Variants in SPATA6 observed in about 807,000 individuals in gnomAD.
The protein encoded by SPATA6 is spermatogenesis associated 6, also known as spermatogenesis-associated protein 6.
SPATA6 carries 56 observed loss-of-function variants against 65.3 expected under a neutral mutation model. The ratio of observed to expected loss-of-function variants is 0.86; its 90% confidence interval spans 0.69 to 1.07. SPATA6 has a LOEUF of 1.07. Ranked by LOEUF, SPATA6 falls within the 50% of genes least tolerant of loss-of-function variation. The pLI is 0.00. For missense variants in SPATA6, 590 were observed against 594.8 expected (o/e 0.99, Z 0.08); for synonymous variants, 199 against 213.2 (o/e 0.93, Z 0.58).
chr1:48,319,250 T>C (rs917072667), intron 11 of SPATA6, among the ~76,000 whole-genome samples: 1 of 152,040 alleles, frequency 6.6e-6, no homozygotes, highest in African/African-American at 2.4e-5. Context: ...AAAGAAAACA[T>C]AGAAAAGTTG....
At chr1:48,299,919 T>A (rs1411680115) in intron 12 of SPATA6, among the ~76,000 whole-genome samples, 1 of 152,112 alleles carries the variant, frequency 6.6e-6, no homozygotes, top group East Asian at 1.9e-4. Context: ...AAAATTAGGC[T>A]AACTGTGAAC....
At chr1:48,448,152 T>C (rs1382293857) in intron 3 of SPATA6, 5 of 151,784 alleles carry the variant, frequency 3.3e-5, no homozygotes, top group Non-Finnish European at 7.4e-5. Context: ...TCCCAGCTAC[T>C]TGGGAGGCTA....
chr1:48,310,470 A>G (rs1057063616), intron 11 of SPATA6, among the ~76,000 whole-genome samples: 4 of 152,188 alleles, frequency 2.6e-5, no homozygotes. Context: ...CCCTACCAAT[A>G]TTTAGCTGTT....
chr1:48,266,573 G>A, the SPATA6 span, among the ~76,000 whole-genome samples: 1 of 152,286 alleles, frequency 6.6e-6, no homozygotes, highest in East Asian at 1.9e-4. Flanking sequence ...AAGCTTATTA[G>A]AAATAGTTTT....
the SPATA6 span, among the ~76,000 whole-genome samples, chr1:48,281,866 G>A: frequency 6.6e-6 from 1 of 152,202 alleles, no homozygotes; most frequent in African/African-American, 2.4e-5. Context: ...AAAAGAGCCT[G>A]CATCACCAAG....
chr1:48,471,216 G>T (rs1236793845), intron 1 of SPATA6, among the ~76,000 whole-genome samples: 1 of 152,200 alleles, frequency 6.6e-6, no homozygotes, highest in Non-Finnish European at 1.5e-5. Context: ...ATGGAGGAAA[G>T]CATCCTCTTG....
intron 11 of SPATA6, among the ~76,000 whole-genome samples, chr1:48,338,095 C>T (rs189168643): frequency 2.6e-5 from 4 of 152,046 alleles, no homozygotes; most frequent in Non-Finnish European, 5.9e-5. Context: ...TGAAAAACTA[C>T]ATTATTAGTA....
chr1:48,397,066 A>C (rs185276648), intron 7 of SPATA6, among the ~76,000 whole-genome samples: 77 of 151,804 alleles, frequency 5.1e-4, no homozygotes, highest in African/African-American at 1.6e-3. Flanking sequence ...AACATGGATG[A>C]ACCTCAAAAA....
chr1:48,403,033 G>A (rs1024039087), intron 6 of SPATA6, among the ~76,000 whole-genome samples: 1 of 151,978 alleles, frequency 6.6e-6, no homozygotes, highest in African/African-American at 2.4e-5. Flanking sequence ...AAAGTTAGCC[G>A]CGTATTGTGG....
chr1:48,399,762 T>G, intron 6 of SPATA6, 118 bp from the exon 7 acceptor site: 1 of 868,588 alleles, frequency 1.2e-6, no homozygotes, highest in South Asian at 1.9e-5. Flanking sequence ...GCCAACTAGA[T>G]CAGTCCTTCC....
At chr1:48,432,689 A>G (rs971400243) in intron 3 of SPATA6, among the ~76,000 whole-genome samples, 1 of 152,220 alleles carries the variant, frequency 6.6e-6, no homozygotes, top group Non-Finnish European at 1.5e-5. Context: ...GAAAATGTAA[A>G]ATGATACAGC....
intron 11 of SPATA6, among the ~76,000 whole-genome samples, chr1:48,337,946 G>T (rs953481038): frequency 3.3e-5 from 5 of 151,888 alleles, no homozygotes; most frequent in African/African-American, 1.2e-4. Flanking sequence ...AAACTCAGTG[G>T]GTTCTGGCAA....
chr1:48,331,445 C>G (rs971322080), intron 11 of SPATA6, among the ~76,000 whole-genome samples: 5 of 149,642 alleles, frequency 3.3e-5, no homozygotes, highest in Admixed American at 6.6e-5. Flanking sequence ...CAAGTATTAA[C>G]AGCAGACCAA....
chr1:48,455,042 T>G, intron 1 of SPATA6, among the ~76,000 whole-genome samples: 1 of 152,210 alleles, frequency 6.6e-6, no homozygotes, highest in Admixed American at 6.5e-5. Flanking sequence ...TGCTCTAATA[T>G]ATTCCCAATT....
intron 9 of SPATA6, among the ~76,000 whole-genome samples, chr1:48,364,872 C>A (rs1289355547): frequency 6.6e-6 from 1 of 152,160 alleles, no homozygotes; most frequent in African/African-American, 2.4e-5. Flanking sequence ...AAGTCCTTGC[C>A]CATGCCCATG....
Position 48,355,016 on chromosome 1 carries a change from C to A in SPATA6, c.1194+654G>T, listed in dbSNP as rs575888021. ...GGTCATATAAACCCCTTATACCCCC[C>A]CAAGACTAATCTTAGTGTCCAGCAC... On this transcript the variant is annotated intron_variant, in intron 11 of 12. Coordinates refer to ENST00000371847, the MANE Select transcript of SPATA6 (RefSeq NM_019073.4). 3.3e-5 allele frequency among the ~76,000 whole-genome samples: 5 copies of A among 152,066 alleles called. No homozygotes were observed. In the East Asian group the frequency reaches 7.7e-4, roughly 24 times the overall value.
At chr1:48,439,439 C>G (rs1479217667) in intron 3 of SPATA6, among the ~76,000 whole-genome samples, 3 of 151,858 alleles carry the variant, frequency 2.0e-5, no homozygotes, top group African/African-American at 7.3e-5. Context: ...CTATTCCGAT[C>G]AGCAGGGTCC....
At chr1:48,330,457 T>C (rs1645883088) in intron 11 of SPATA6, among the ~76,000 whole-genome samples, 1 of 152,098 alleles carries the variant, frequency 6.6e-6, no homozygotes, top group Non-Finnish European at 1.5e-5. Flanking sequence ...CCACCACCAC[T>C]AGTATCCAGG....
chr1:48,394,460 T>C (rs1169320279), intron 8 of SPATA6, among the ~76,000 whole-genome samples: 1 of 152,126 alleles, frequency 6.6e-6, no homozygotes, highest in Non-Finnish European at 1.5e-5. Context: ...TAATTTCACA[T>C]AATCTGCTAT....
Sources: allele counts gnomAD v4.1 joint callset (sites outside exome capture counted in the v4.1 genomes callset), GRCh38; gene constraint gnomAD v4.1.1; transcripts MANE v1.5; gene names NCBI Gene and HGNC (gene_info 2026-07-23, HGNC 2026-07-21).